Variants in TRAK1 observed in about 807,000 individuals in gnomAD.
The protein encoded by TRAK1 is trafficking kinesin-binding protein 1.
In TRAK1, 33 loss-of-function variants were observed where a neutral mutation model predicts 92.1. That is an observed-to-expected ratio of 0.36 (90% CI 0.27 to 0.48). The LOEUF (loss-of-function observed/expected upper bound fraction) is 0.48. Among genes scored for constraint, TRAK1 ranks in the 20% least tolerant of loss-of-function variants. The pLI, the probability that TRAK1 is intolerant of heterozygous loss-of-function variation, is 0.99. For synonymous variants in TRAK1, 521 were observed against 517.3 expected, an observed-to-expected ratio of 1.01 and a Z score of -0.10; for missense variants, 1,123 against 1,257.9, an observed-to-expected ratio of 0.89 and a Z score of 1.62.
intron 9 of TRAK1, among the ~76,000 whole-genome samples, chr3:42,194,102 A>G (rs951560898): frequency 6.6e-6 from 1 of 152,164 alleles, no homozygotes; most frequent in African/African-American, 2.4e-5. Context: ...CCTGTGTGGC[A>G]GGGCTCTACA....
chr3:42,133,242 C>T (rs922280609), intron 2 of TRAK1, among the ~76,000 whole-genome samples: 7 of 152,178 alleles, frequency 4.6e-5, no homozygotes, highest in Non-Finnish European at 2.9e-5. Flanking sequence ...TGGCTCTATC[C>T]AGCCAGCCTC....
intron 1 of TRAK1, among the ~76,000 whole-genome samples, chr3:42,065,239 G>A (rs748087167): frequency 6.6e-6 from 1 of 152,124 alleles, no homozygotes; most frequent in Non-Finnish European, 1.5e-5. Context: ...GCCACAGAGC[G>A]AGACTCCCAT....
At chr3:42,144,330 C>T (rs1195409048) in intron 2 of TRAK1, among the ~76,000 whole-genome samples, 1 of 152,006 alleles carries the variant, frequency 6.6e-6, no homozygotes, top group African/African-American at 2.4e-5. Flanking sequence ...TGCAAACTCT[C>T]TTTGTCCCAG....
chr3:42,212,349 A>G (rs1308850507), intron 14 of TRAK1: 1 of 985,456 alleles, frequency 1.0e-6, no homozygotes, highest in African/African-American at 1.7e-5. Context: ...GTAGGGAGAC[A>G]CTTTGGAGAC....
chr3:42,044,411 C>G lies in TRAK1; in HGVS notation c.-519+30294C>G, dbSNP rs74614588. Among the ~76,000 whole-genome samples, 876 of 152,360 alleles carry G rather than the reference C, an allele frequency of 5.7e-3. 8 individuals are homozygous for G. Among genetic ancestry groups the G allele is most frequent in the African/African-American group, 0.02 (837 of 41,578 alleles). On this transcript the variant is annotated intron_variant, in intron 1 of 16. Coordinates refer to the TRAK1 transcript ENST00000487159. ...TCCTGAGCTCAAGAGATCCACTTGC[C>G]TCGGTCTCCCAAAGTGCTGGGAATA...
At chr3:42,123,502 G>C (rs1710170559) in intron 1 of TRAK1, among the ~76,000 whole-genome samples, 1 of 152,246 alleles carries the variant, frequency 6.6e-6, no homozygotes, top group South Asian at 2.1e-4. Context: ...AGCACCCCAG[G>C]ATCTACTCCC....
chr3:42,094,970 G>T (rs530904475), intron 1 of TRAK1, among the ~76,000 whole-genome samples: 14 of 152,178 alleles, frequency 9.2e-5, no homozygotes, highest in Non-Finnish European at 1.5e-4. Flanking sequence ...TCAGACCCCA[G>T]CTGACTGGAT....
intron 1 of TRAK1, among the ~76,000 whole-genome samples, chr3:42,101,645 A>G (rs1706768838): frequency 6.6e-6 from 1 of 152,212 alleles, no homozygotes; most frequent in South Asian, 2.1e-4. Context: ...CTGCTGTTGC[A>G]GCACATGAAG....
intron 3 of TRAK1, among the ~76,000 whole-genome samples, chr3:42,181,153 G>C (rs1024929979): frequency 6.6e-6 from 1 of 152,168 alleles, no homozygotes; most frequent in Non-Finnish European, 1.5e-5. Flanking sequence ...GAAGCCTTCC[G>C]CATCCTTCAG....
chr3:42,017,147 G>C (rs1265011872), intron 1 of TRAK1, among the ~76,000 whole-genome samples: 1 of 152,178 alleles, frequency 6.6e-6, no homozygotes, highest in Non-Finnish European at 1.5e-5. Context: ...TGTAATCCCA[G>C]CGACGTGGGA....
rs1559721695 is a variant in TRAK1, at chr3:42,048,690, T to A, written c.-519+34573T>A. Among the ~76,000 whole-genome samples the A allele has an allele frequency of 2.0e-5, 3 of 151,910 alleles. No homozygotes were observed. The South Asian group carries it at 6.2e-4, about 32-fold the overall frequency. The stretch of plus-strand genomic sequence containing the variant: ...GATCCTCCCATCTCAGCTTCCTGAG[T>A]AGCTGGGACCACAGGCGCACACCAG... On this transcript the variant is annotated intron_variant, in intron 1 of 16. Transcript: ENST00000487159.
At chr3:42,024,586 T>C (rs1430059275) in intron 1 of TRAK1, among the ~76,000 whole-genome samples, 1 of 152,230 alleles carries the variant, frequency 6.6e-6, no homozygotes, top group East Asian at 1.9e-4. Flanking sequence ...TAACAAGATA[T>C]AAAGCACCAT....
intron 5 of TRAK1, among the ~76,000 whole-genome samples, chr3:42,188,571 A>G (rs1384498870): frequency 6.6e-6 from 1 of 152,148 alleles, no homozygotes; most frequent in African/African-American, 2.4e-5. Context: ...CTGGTTGCAG[A>G]TCTTGGCTCT....
intron 1 of TRAK1, among the ~76,000 whole-genome samples, chr3:42,081,886 A>G (rs1199805674): frequency 1.3e-5 from 2 of 152,224 alleles, no homozygotes; most frequent in Non-Finnish European, 2.9e-5. Context: ...CTGTTTTTCT[A>G]CGAATAGAAA....
intron 1 of TRAK1, among the ~76,000 whole-genome samples, chr3:42,079,098 C>A (rs1157881250): frequency 6.6e-6 from 1 of 152,208 alleles, no homozygotes; most frequent in African/African-American, 2.4e-5. Flanking sequence ...TGATTGGAGC[C>A]TGTTGAGATG....
At chr3:42,095,055 A>T (rs1705702687) in intron 1 of TRAK1, among the ~76,000 whole-genome samples, 1 of 152,204 alleles carries the variant, frequency 6.6e-6, no homozygotes, top group Admixed American at 6.5e-5. Context: ...TCACCCAGAA[A>T]CACTACCACA....
chr3:42,079,353 C>A (rs1221414701), intron 1 of TRAK1, among the ~76,000 whole-genome samples: 1 of 152,128 alleles, frequency 6.6e-6, no homozygotes, highest in Non-Finnish European at 1.5e-5. Context: ...AGGTACCTGG[C>A]TGGCCATGGA....
intron 1 of TRAK1, among the ~76,000 whole-genome samples, chr3:42,110,012 A>G (rs1188667770): frequency 4.8e-5 from 7 of 146,824 alleles, no homozygotes; most frequent in Non-Finnish European, 7.5e-5. Context: ...ATGATGAGTT[A>G]ATGGGTGCAG....
Position 42,202,614 on chromosome 3 carries a change from G to A in TRAK1, c.1606G>A (p.Gly536Ser), listed in dbSNP as rs369505744. 11 of 1,600,034 alleles carry A rather than the reference G, an allele frequency of 6.9e-6. No individual in the cohort carries two copies. The highest frequency in any genetic ancestry group is 3.3e-5 in the South Asian group (3 of 90,416). ...ELAEKGELRS[G>S]SLTPTESIMS... ...GGCGGAGAAGGGCGAGCTGCGCAGC[G>A]GCTCCCTCACACCCACTGAGAGCAT... The change falls in exon 13 of 16, where the codon GGC becomes AGC. Residue 536 changes from glycine to serine, a missense_variant. Transcript: ENST00000327628. This position sits in a 1 kb window ranked among gnomAD's most constrained non-coding sequence, Gnocchi z 6.1.
Sources: allele counts gnomAD v4.1 joint callset (sites outside exome capture counted in the v4.1 genomes callset), GRCh38; gene constraint gnomAD v4.1.1; non-coding constraint Gnocchi (gnomAD v3.1); transcripts MANE v1.5; gene names NCBI Gene and HGNC (gene_info 2026-07-23, HGNC 2026-07-21).